The following MCTP1 variants were observed in gnomAD, a reference collection of about 807,000 sequenced individuals.
MCTP1 encodes multiple C2 and transmembrane domain-containing protein 1.
A neutral mutation model predicts 120.6 loss-of-function variants in MCTP1; 69 were observed. The ratio of observed to expected loss-of-function variants is 0.57; its 90% CI spans 0.47 to 0.70. The LOEUF is 0.70. MCTP1 is among the 30% of genes least tolerant of loss of function. The probability of loss-of-function intolerance (pLI) is 0.00; values close to 1 mark genes in which losing one functional copy is unlikely to be tolerated. For synonymous variants in MCTP1, 529 were observed against 493.1 expected (o/e 1.07, Z -0.96); for missense variants, 1,203 against 1,248.8 (o/e 0.96, Z 0.55).
At position 94,953,101 on chromosome 5, in the gene MCTP1, C is replaced by T. The variant is rs1305055340; in HGVS notation, c.981+118G>A. 8 of 876,258 alleles carry T rather than the reference C, an allele frequency of 9.1e-6. No individual in the cohort carries two copies. The Admixed American group carries it at 1.3e-4, about 14-fold the overall frequency. The allele number at this position is 876,258 out of a possible 1,614,324, so 54.3% of individuals were successfully genotyped here. On this transcript the variant is annotated intron_variant, in intron 3 of 22. Transcript: ENST00000515393. ...TCATATTATCCATAGATTAGAGTGG[C>T]GAAGAGCAGAACACATCTCTGGTGA... is the stretch of plus-strand genomic sequence containing the variant.
intron 1 of MCTP1, among the ~76,000 whole-genome samples, chr5:95,169,962 G>C (rs552334078): frequency 6.6e-6 from 1 of 152,206 alleles, no homozygotes; most frequent in African/African-American, 2.4e-5. Flanking sequence ...GCTTTTGAAT[G>C]TGTTTGCTCT....
intron 19 of MCTP1, among the ~76,000 whole-genome samples, chr5:94,754,474 T>C (rs937868408): frequency 6.6e-6 from 1 of 152,210 alleles, no homozygotes; most frequent in Admixed American, 6.5e-5. Flanking sequence ...GCAATATTAG[T>C]GAGAGTGGCA....
chr5:95,268,769 C>T (rs1759121354), intron 1 of MCTP1, among the ~76,000 whole-genome samples: 1 of 152,176 alleles, frequency 6.6e-6, no homozygotes, highest in South Asian at 2.1e-4. Flanking sequence ...TTAATCTGTC[C>T]TAAATAAATG....
chr5:94,747,503 C>T (rs1767187276), intron 19 of MCTP1, among the ~76,000 whole-genome samples: 1 of 152,096 alleles, frequency 6.6e-6, no homozygotes, highest in Non-Finnish European at 1.5e-5. Context: ...TGCCGCTATT[C>T]ACCCCTTCAT....
intron 12 of MCTP1, among the ~76,000 whole-genome samples, chr5:94,885,981 T>C (rs1245602448): frequency 1.3e-5 from 2 of 152,184 alleles, no homozygotes; most frequent in Non-Finnish European, 2.9e-5. Flanking sequence ...AGTTAATCTC[T>C]TTTTTAAATC....
intron 9 of MCTP1, among the ~76,000 whole-genome samples, chr5:94,910,370 A>T (rs1257814358): frequency 6.6e-6 from 1 of 152,002 alleles, no homozygotes. Flanking sequence ...AGTAACCTAT[A>T]TTGATAGGAA....
chr5:95,110,747 C>G (rs1757394056), intron 1 of MCTP1, among the ~76,000 whole-genome samples: 1 of 152,134 alleles, frequency 6.6e-6, no homozygotes, highest in Admixed American at 6.6e-5. Context: ...CAGTCACTGG[C>G]TAGGCTACAC....
At chr5:94,851,341 C>A (rs1433063373) in intron 17 of MCTP1, among the ~76,000 whole-genome samples, 1 of 151,934 alleles carries the variant, frequency 6.6e-6, no homozygotes, top group Non-Finnish European at 1.5e-5. Flanking sequence ...TAAACATATC[C>A]CACTATCACT....
intron 1 of MCTP1, among the ~76,000 whole-genome samples, chr5:95,130,475 A>T (rs1323279280): frequency 6.6e-6 from 1 of 152,208 alleles, no homozygotes; most frequent in African/African-American, 2.4e-5. Flanking sequence ...GATAGCTAAC[A>T]ACCAATAAGA....
At chr5:95,217,150 T>C (rs1471650771) in intron 1 of MCTP1, among the ~76,000 whole-genome samples, 1 of 152,248 alleles carries the variant, frequency 6.6e-6, no homozygotes, top group African/African-American at 2.4e-5. Flanking sequence ...AAAATACTTA[T>C]TAATCATGCA....
rs73136099 is a variant in MCTP1 at position 94,981,225 on chromosome 5, T to C, written c.839-27864A>G. ...GGGAAAAGTCCGAGGTTTCCACTGG[T>C]AAGTTTAATAAAAGATGTAGAACCA... On this transcript the variant is annotated intron_variant, in intron 2 of 22. Transcript: ENST00000515393. 7.0e-3 allele frequency among the ~76,000 whole-genome samples: 1,072 copies of C among 152,292 alleles called. 11 individuals carry two copies. The highest frequency in any genetic ancestry group is 0.024 in the African/African-American group (999 of 41,574).
At chr5:94,909,947 C>T (rs1056855440) in intron 9 of MCTP1, among the ~76,000 whole-genome samples, 1 of 151,948 alleles carries the variant, frequency 6.6e-6, no homozygotes, top group African/African-American at 2.4e-5. Context: ...TGTAGTATCT[C>T]ATGTTATAGA....
At chr5:95,070,434 A>G (rs1452668159) in intron 1 of MCTP1, among the ~76,000 whole-genome samples, 2 of 152,234 alleles carry the variant, frequency 1.3e-5, no homozygotes, top group African/African-American at 4.8e-5. Flanking sequence ...GGATACCTTT[A>G]GGGACCTCCA....
chr5:94,820,388 G>T lies in MCTP1; in HGVS notation c.2437-21256C>A, dbSNP rs533901676. ...GAAGTTATAAGGTTAGCTGTTCAAT[G>T]GTTGCTCTAATGGGACCTTCTTTAT... On this transcript the variant is annotated intron_variant, in intron 17 of 22. Coordinates refer to ENST00000515393, the MANE Select transcript of MCTP1 (RefSeq NM_024717.7). Among the ~76,000 whole-genome samples the T allele has an allele frequency of 3.3e-3, 505 of 152,268 alleles. 2 individuals carry two copies. The highest frequency in any genetic ancestry group is 5.2e-3 in the Non-Finnish European group (357 of 68,008).
At chr5:94,813,990 C>T (rs1783970527) in intron 17 of MCTP1, among the ~76,000 whole-genome samples, 1 of 152,108 alleles carries the variant, frequency 6.6e-6, no homozygotes, top group Non-Finnish European at 1.5e-5. Flanking sequence ...AAACGCAAAT[C>T]CCTAGAGACA....
chr5:95,166,687 C>G (rs1339160055), intron 1 of MCTP1, among the ~76,000 whole-genome samples: 2 of 151,776 alleles, frequency 1.3e-5, no homozygotes, highest in Non-Finnish European at 2.9e-5. Context: ...CCTGCCTCAC[C>G]CTCCCGAGTA....
At chr5:95,140,312 T>C (rs1759800362) in intron 1 of MCTP1, among the ~76,000 whole-genome samples, 1 of 152,158 alleles carries the variant, frequency 6.6e-6, no homozygotes, top group African/African-American at 2.4e-5. Flanking sequence ...AGCAGGATAT[T>C]GAAGGTGTTT....
At chr5:95,109,282 AATGTAAAAATAAGAATGG>A (rs780546722) in intron 1 of MCTP1, among the ~76,000 whole-genome samples, 15 of 152,248 alleles carry the variant, frequency 9.9e-5, no homozygotes, top group Non-Finnish European at 1.6e-4. Context: ...GTAGAGCATC[AATGTAAAAATAAGAATGG>A]TATAAACTAG....
At chr5:94,845,501 C>T (rs1454886224) in intron 17 of MCTP1, among the ~76,000 whole-genome samples, 2 of 151,116 alleles carry the variant, frequency 1.3e-5, no homozygotes, top group Non-Finnish European at 2.9e-5. Context: ...ATATCACAAC[C>T]AGATTAAAAA....
Sources: gnomAD v4.1 joint callset for allele counts (sites outside exome capture counted in the v4.1 genomes callset) on GRCh38, gnomAD v4.1.1 for gene constraint, MANE v1.5 for transcripts, NCBI Gene and HGNC (gene_info 2026-07-23, HGNC 2026-07-21) for gene names.